MASTL: variants seen among roughly 807,000 people sequenced by gnomAD.
The protein encoded by MASTL is serine/threonine-protein kinase greatwall.
Under a neutral mutation model 82.5 loss-of-function variants are expected in MASTL, and 54 were observed. The observed-to-expected ratio is 0.65, with a 90% confidence interval of 0.53 to 0.82. MASTL has a LOEUF of 0.82. Ranked by LOEUF, MASTL falls within the 40% of genes least tolerant of loss-of-function variation. The probability of loss-of-function intolerance (pLI) is 0.00; values close to 1 mark genes in which losing one functional copy is unlikely to be tolerated. For missense variants in MASTL, 950 were observed against 1,047.8 expected (o/e 0.91, Z 1.29); for synonymous variants, 323 against 368.9 (o/e 0.88, Z 1.43).
Position 27,165,441 on chromosome 10 carries a change from G to A in MASTL, c.713G>A (p.Cys238Tyr), listed in dbSNP as rs1203777209. The A allele has an allele frequency of 1.2e-6, 2 of 1,614,102 alleles. No individual in the cohort carries two copies. The highest frequency in any genetic ancestry group is 1.7e-5 in the Admixed American group (1 of 60,006). ...NQDPANILSA[C>Y]LSETSQLSQG... is the part of the protein sequence containing the mutation. ...GACCCTGCAAACATCCTTTCAGCCT[G>A]TCTGTCTGAAACATCACAGCTTTCT... Residue 238 changes from cysteine (C) to tyrosine (Y), a missense_variant, in exon 6 of 12, where the codon TGT (cysteine) becomes TAT (tyrosine). Transcript: ENST00000375940.
rs535708236 is a variant in MASTL, at chr10:27,159,506, A to G, written c.325-113A>G. 4.2e-5 allele frequency: 29 copies of G among 695,766 alleles called. No individual in the cohort carries two copies. The highest frequency in any genetic ancestry group is 4.0e-4 in the Middle Eastern group (1 of 2,496). 43.1% of individuals were successfully genotyped at this position (695,766 alleles called of 1,614,324 possible). A position where few individuals can be genotyped will look rare whatever the true frequency, so the allele number is the denominator to read the frequency against. The stretch of plus-strand genomic sequence containing the variant: ...ATGTATTACGAGTAATAGCAAGAAA[A>G]GGTCGTTTCATTACAGAGCCATGCC... On this transcript the variant is annotated intron_variant, in intron 2 of 11. Transcript: ENST00000375940. The surrounding 1 kb of genome is among the most constrained non-coding windows in gnomAD (Gnocchi z 4.0).
At chr10:27,181,109 G>A (rs1439880111) in intron 10 of MASTL, 43 bp downstream of exon 10, 2 of 1,405,110 alleles carry the variant, frequency 1.4e-6, no homozygotes, top group Non-Finnish European at 1.0e-6. Context: ...TACTGGCTGG[G>A]CATAGTGGCC....
At chr10:27,180,662 GATTACAGGCAT>G (rs1023193876) in intron 9 of MASTL, among the ~76,000 whole-genome samples, 30 of 152,244 alleles carry the variant, frequency 2.0e-4, no homozygotes, top group African/African-American at 6.7e-4. Context: ...AAAGTGCCAG[GATTACAGGCAT>G]AAGCCACCGC....
At chr10:27,175,176 ATTATTTAT>A (rs56359245) in intron 9 of MASTL, among the ~76,000 whole-genome samples, 16 of 148,636 alleles carry the variant, frequency 1.1e-4, no homozygotes, top group Non-Finnish European at 1.5e-4. Flanking sequence ...TCTTTTATTT[ATTATTTAT>A]TTATTTATTT....
intron 4 of MASTL, among the ~76,000 whole-genome samples, chr10:27,161,610 T>G (rs2057576531): frequency 6.6e-6 from 1 of 152,180 alleles, no homozygotes; most frequent in South Asian, 2.1e-4. Context: ...CACTGTTTTC[T>G]TTGTTAGTTT....
chr10:27,177,612 G>A (rs961496036), intron 9 of MASTL, among the ~76,000 whole-genome samples: 1 of 152,160 alleles, frequency 6.6e-6, no homozygotes, highest in Admixed American at 6.5e-5. Context: ...TCAGCTTAGT[G>A]TGTTAAAATT....
intron 11 of MASTL, among the ~76,000 whole-genome samples, chr10:27,184,446 T>A (rs1037640372): frequency 1.3e-5 from 2 of 152,116 alleles, no homozygotes; most frequent in African/African-American, 4.8e-5. Context: ...TACATTGGAT[T>A]TGGACATACT....
At chr10:27,171,108 G>A (rs1189287382) in intron 8 of MASTL, 25 bp downstream of exon 8, 1 of 1,602,294 alleles carries the variant, frequency 6.2e-7, no homozygotes. Context: ...TTCTAATACT[G>A]TTTTTTGGAT....
chr10:27,158,804 T>G, intron 2 of MASTL, 118 bp downstream of exon 2: 1 of 1,096,344 alleles, frequency 9.1e-7, no homozygotes, highest in East Asian at 2.4e-5. Context: ...CTGCACTCAC[T>G]GCCTTGGCAA....
intron 1 of MASTL, among the ~76,000 whole-genome samples, chr10:27,156,796 A>C (rs576088413): frequency 1.3e-4 from 19 of 148,410 alleles, no homozygotes; most frequent in African/African-American, 4.5e-4. Context: ...CTGGGATTAC[A>C]GGTGTGAGCC....
intron 1 of MASTL, among the ~76,000 whole-genome samples, chr10:27,156,800 G>T (rs555492197): frequency 6.6e-6 from 1 of 150,596 alleles, no homozygotes; most frequent in Admixed American, 6.6e-5. Flanking sequence ...GATTACAGGT[G>T]TGAGCCACCG....
chr10:27,185,210 T>C (rs1411621748), intron 11 of MASTL, among the ~76,000 whole-genome samples: 1 of 152,062 alleles, frequency 6.6e-6, no homozygotes, highest in Non-Finnish European at 1.5e-5. Flanking sequence ...AGCGTGGTGA[T>C]AGAAACAGGT....
At chr10:27,168,468 A>T (rs2057808898) in intron 7 of MASTL, among the ~76,000 whole-genome samples, 1 of 152,222 alleles carries the variant, frequency 6.6e-6, no homozygotes. Context: ...CCTTACACTG[A>T]TCCCCACATG....
In MASTL at chr10:27,186,978, T is replaced by C. The variant is rs1375177963; in HGVS notation, c.*442T>C. On this transcript the variant is annotated 3_prime_UTR_variant, in exon 12 of 12. Transcript: ENST00000375940. ...TCAAAAGCTGTGTTCTTGAGGGCAA[T>C]CATTTAAGGCCATACTTGTGACCTC... The C allele has an allele frequency of 4.2e-6, 1 of 238,232 alleles. No individual in the cohort carries two copies. Among genetic ancestry groups the C allele is most frequent in the Non-Finnish European group, 8.3e-6 (1 of 121,052 alleles). 14.8% of individuals were successfully genotyped at this position (238,232 alleles called of 1,614,324 possible). A position where few individuals can be genotyped will look rare whatever the true frequency, so the allele number is the denominator to read the frequency against.
intron 9 of MASTL, among the ~76,000 whole-genome samples, chr10:27,177,148 A>G (rs375266226): frequency 2.0e-5 from 3 of 152,022 alleles, no homozygotes; most frequent in East Asian, 1.9e-4. Flanking sequence ...CACCCAGCCA[A>G]GAGTGTGAGT....
chr10:27,182,806 C>T (rs550923773), intron 11 of MASTL, among the ~76,000 whole-genome samples: 5 of 147,874 alleles, frequency 3.4e-5, no homozygotes, highest in East Asian at 2.0e-4. Context: ...TTTTAACATA[C>T]GTTATTATTG....
At chr10:27,157,021 T>G (rs2057414523) in intron 1 of MASTL, among the ~76,000 whole-genome samples, 1 of 151,666 alleles carries the variant, frequency 6.6e-6, no homozygotes, top group South Asian at 2.1e-4. Context: ...CAGGCTGGTC[T>G]CAAACTCCTG....
At position 27,186,446 on chromosome 10, in the gene MASTL, C is replaced by T; in HGVS notation, c.2550C>T (p.Phe850=). The T allele has an allele frequency of 6.2e-7, 1 of 1,614,078 alleles. No individual in the cohort carries two copies. The highest frequency in any genetic ancestry group is 8.5e-7 in the Non-Finnish European group (1 of 1,179,964). Residue 850 remains phenylalanine, a synonymous_variant, in exon 12 of 12, where the codon TTC becomes TTT. Coordinates refer to ENST00000375940, the MANE Select transcript of MASTL (RefSeq NM_001172303.3). ...WENLQHQTMP[F]IPQPDDETDT... ...ATCTGCAGCATCAGACTATGCCTTT[C>T]ATCCCCCAGCCAGATGATGAAACAG...
At chr10:27,184,301 C>T (rs1422083055) in intron 11 of MASTL, among the ~76,000 whole-genome samples, 2 of 152,112 alleles carry the variant, frequency 1.3e-5, no homozygotes, top group African/African-American at 4.8e-5. Context: ...TGAAGAGGGG[C>T]ATTTGAGCAG....
Sources: allele counts gnomAD v4.1 joint callset (sites outside exome capture counted in the v4.1 genomes callset), GRCh38; gene constraint gnomAD v4.1.1; non-coding constraint Gnocchi (gnomAD v3.1); transcripts MANE v1.5; gene names NCBI Gene and HGNC (gene_info 2026-07-23, HGNC 2026-07-21).